The following RPSA2 variants were observed in gnomAD, a reference collection of about 807,000 sequenced individuals.
The protein encoded by RPSA2 is small ribosomal subunit protein uS2B.
chr19:23,796,804 A>T, the RPSA2 span, among the ~76,000 whole-genome samples: 1 of 150,720 alleles, frequency 6.6e-6, no homozygotes, highest in Non-Finnish European at 1.5e-5. Flanking sequence ...GTTATTTCTA[A>T]TTGTGTTTAT....
At chr19:23,808,910 G>A in the RPSA2 span, 1 of 324,984 alleles carries the variant, frequency 3.1e-6, no homozygotes, top group Non-Finnish European at 5.9e-6. Context: ...GTGTTCAAAA[G>A]GAAATAGTTT....
chr19:23,791,558 C>T, the RPSA2 span, among the ~76,000 whole-genome samples: 2 of 152,056 alleles, frequency 1.3e-5, no homozygotes, highest in African/African-American at 4.8e-5. Flanking sequence ...ACATGTGTGC[C>T]AAGCAGGACC....
the RPSA2 span, among the ~76,000 whole-genome samples, chr19:23,831,390 CACTT>C: frequency 6.6e-6 from 1 of 152,066 alleles, no homozygotes; most frequent in African/African-American, 2.4e-5. Context: ...ACACTGCACA[CACTT>C]ATTTATAAAT....
At chr19:23,811,006 C>CT in the RPSA2 span, among the ~76,000 whole-genome samples, 16,595 of 130,404 alleles carry the variant, frequency 0.13, 1,224 homozygotes, top group Middle Eastern at 0.18. Flanking sequence ...CTTAAAGGCA[C>CT]TTTTTTTTTT....
the RPSA2 span, among the ~76,000 whole-genome samples, chr19:23,769,064 C>T: frequency 6.6e-6 from 1 of 152,200 alleles, no homozygotes; most frequent in African/African-American, 2.4e-5. Context: ...TTTGATTCTT[C>T]TGCTGACTCC....
the RPSA2 span, among the ~76,000 whole-genome samples, chr19:23,856,553 T>C: frequency 3.0e-4 from 45 of 152,112 alleles, no homozygotes; most frequent in Admixed American, 7.2e-4. Flanking sequence ...AATAAACATT[T>C]CTCCACACCT....
chr19:23,792,812 C>CTAT, the RPSA2 span, among the ~76,000 whole-genome samples: 1 of 151,910 alleles, frequency 6.6e-6, no homozygotes, highest in Non-Finnish European at 1.5e-5. Flanking sequence ...CGCGCCAGGC[C>CTAT]AAGAGTTTTA....
the RPSA2 span, among the ~76,000 whole-genome samples, chr19:23,845,318 A>G: frequency 6.9e-6 from 1 of 144,464 alleles, no homozygotes; most frequent in Admixed American, 6.9e-5. Context: ...TTTGTTACTA[A>G]TTTTCTAGTT....
the RPSA2 span, among the ~76,000 whole-genome samples, chr19:23,846,077 T>A: frequency 1.3e-5 from 2 of 152,180 alleles, no homozygotes; most frequent in East Asian, 3.8e-4. Flanking sequence ...TGTGTCCATC[T>A]CTTTCTATAG....
chr19:23,814,720 G>A, the RPSA2 span, among the ~76,000 whole-genome samples: 1 of 152,166 alleles, frequency 6.6e-6, no homozygotes, highest in Non-Finnish European at 1.5e-5. Context: ...ATATGTTGAA[G>A]AGTGTGTTTT....
At chr19:23,808,272 A>AATTTTTTTT in the RPSA2 span, among the ~76,000 whole-genome samples, 40,320 of 126,830 alleles carry the variant, frequency 0.32, 8,254 homozygotes, top group East Asian at 0.48. Flanking sequence ...TACAAAATTA[A>AATTTTTTTT]TTTTTTTTTT....
the RPSA2 span, among the ~76,000 whole-genome samples, chr19:23,803,457 T>C: frequency 6.6e-6 from 1 of 152,108 alleles, no homozygotes; most frequent in Non-Finnish European, 1.5e-5. Flanking sequence ...ACTTGTTTTC[T>C]CTCCCTGCAG....
chr19:23,770,671 G>A, the RPSA2 span, among the ~76,000 whole-genome samples: 1 of 152,118 alleles, frequency 6.6e-6, no homozygotes, highest in Non-Finnish European at 1.5e-5. Flanking sequence ...CAGGTGATCT[G>A]TTTTTCCTGC....
At chr19:23,789,930 A>G in the RPSA2 span, among the ~76,000 whole-genome samples, 1 of 152,018 alleles carries the variant, frequency 6.6e-6, no homozygotes, top group Non-Finnish European at 1.5e-5. Flanking sequence ...TGCTGGCCTC[A>G]GGCTTGGAAA....
At chr19:23,834,823 C>T in the RPSA2 span, among the ~76,000 whole-genome samples, 3 of 151,608 alleles carry the variant, frequency 2.0e-5, no homozygotes, top group South Asian at 6.2e-4. Flanking sequence ...ACTGACATCA[C>T]TAGTAATCTT....
chr19:23,852,122 C>T, the RPSA2 span, among the ~76,000 whole-genome samples: 4 of 152,132 alleles, frequency 2.6e-5, no homozygotes, highest in African/African-American at 7.2e-5. Context: ...GACAGCTGTA[C>T]CCTAGACAAC....
the RPSA2 span, among the ~76,000 whole-genome samples, chr19:23,785,025 A>T: frequency 1.3e-3 from 204 of 152,274 alleles, 1 homozygote; most frequent in African/African-American, 4.7e-3. Context: ...TTCAGATGTG[A>T]TTGAATGTGT....
chr19:23,863,469 C>T, the RPSA2 span, among the ~76,000 whole-genome samples: 1 of 147,282 alleles, frequency 6.8e-6, no homozygotes, highest in South Asian at 2.2e-4. Flanking sequence ...GAGGCTGAGG[C>T]AAGAGAATCG....
the RPSA2 span, among the ~76,000 whole-genome samples, chr19:23,764,930 A>C: frequency 1.3e-5 from 2 of 152,044 alleles, no homozygotes; most frequent in Non-Finnish European, 2.9e-5. Context: ...CCTTTAGTCT[A>C]TTCTTGGTAA....
Sources: allele counts gnomAD v4.1 joint callset (sites outside exome capture counted in the v4.1 genomes callset), GRCh38; gene constraint gnomAD v4.1.1; transcripts MANE v1.5; gene names NCBI Gene and HGNC (gene_info 2026-07-23, HGNC 2026-07-21).